The following SMU1 variants were observed in gnomAD, a reference collection of about 807,000 sequenced individuals.
SMU1 encodes SMU1 DNA replication regulator and spliceosomal factor, also known as WD40 repeat-containing protein SMU1.
Under a neutral mutation model 62.0 loss-of-function variants are expected in SMU1, and 2 were observed. The ratio of observed to expected loss-of-function variants is 0.03; its 90% CI spans 0.01 to 0.10. The LOEUF (loss-of-function observed/expected upper bound fraction) is 0.10. Among genes scored for constraint, SMU1 ranks in the 10% least tolerant of loss-of-function variants. SMU1 has a pLI of 1.00. For synonymous variants in SMU1, 188 were observed against 212.4 expected (o/e 0.89, Z 1.00); for missense variants, 227 against 622.1 (o/e 0.36, Z 6.76).
chr9:33,074,449 C>A (rs2376765), intron 1 of SMU1, among the ~76,000 whole-genome samples: 9,538 of 147,840 alleles, frequency 0.065, 680 homozygotes, highest in African/African-American at 0.18. Flanking sequence ...CACACACACA[C>A]AAAAAAAAAA....
At chr9:33,056,009 G>A in intron 9 of SMU1, 104 bp downstream of exon 9, 3 of 1,151,956 alleles carry the variant, frequency 2.6e-6, no homozygotes, top group Non-Finnish European at 3.6e-6. Flanking sequence ...AGCCAGGAAA[G>A]AGGTTTACTA....
intron 3 of SMU1, 122 bp from the exon 4 acceptor site, chr9:33,069,056 A>G: frequency 7.2e-7 from 1 of 1,380,542 alleles, no homozygotes; most frequent in Admixed American, 2.9e-5. Flanking sequence ...TTACCCAGTT[A>G]AAGAAGGGAT....
rs1401193197 is a variant in SMU1, at chr9:33,057,604, T to C, written c.861A>G (p.Lys287=). The C allele has an allele frequency of 2.5e-6, 4 of 1,613,526 alleles. No homozygotes were observed. Among genetic ancestry groups the C allele is most frequent in the Non-Finnish European group, 3.4e-6 (4 of 1,179,996 alleles). The change falls in exon 7 of 12, where the codon AAA becomes AAG. Residue 287 remains lysine (K), a synonymous_variant. Transcript: ENST00000397149. ...EMLATGAQDG[K]IKVWKIQSGQ... ...CTGTGGCACTAATCCATACCTTGAT[T>C]TTTCCATCTTGGGCCCCAGTTGCTA... is the stretch of plus-strand genomic sequence containing the variant.
At chr9:33,068,417 T>C (rs945727723) in intron 4 of SMU1, among the ~76,000 whole-genome samples, 2 of 152,218 alleles carry the variant, frequency 1.3e-5, no homozygotes, top group Non-Finnish European at 2.9e-5. Flanking sequence ...ACTCTGTAGG[T>C]AGTCCCCAAT....
intron 1 of SMU1, among the ~76,000 whole-genome samples, chr9:33,075,840 T>C (rs1234925411): frequency 6.6e-6 from 1 of 152,176 alleles, no homozygotes; most frequent in East Asian, 1.9e-4. Flanking sequence ...AGGTGGAGGA[T>C]GGAGTTCTGG....
intron 4 of SMU1, among the ~76,000 whole-genome samples, chr9:33,068,446 C>A (rs1412202824): frequency 6.6e-6 from 1 of 152,156 alleles, no homozygotes; most frequent in Admixed American, 6.5e-5. Flanking sequence ...TGTACAATTT[C>A]TTCAGCTAAG....
intron 8 of SMU1, 103 bp downstream of exon 8, chr9:33,056,734 T>G: frequency 7.9e-7 from 1 of 1,263,304 alleles, no homozygotes; most frequent in African/African-American, 1.5e-5. Context: ...CACATCATCA[T>G]GGTAAAAGCA....
At chr9:33,073,233 C>A (rs1245935654) in intron 2 of SMU1, among the ~76,000 whole-genome samples, 1 of 151,898 alleles carries the variant, frequency 6.6e-6, no homozygotes, top group Non-Finnish European at 1.5e-5. Context: ...CCTGTCTCTA[C>A]AGAAAAATGC....
chr9:33,048,383 G>C, intron 10 of SMU1, 125 bp from the exon 11 acceptor site: 1 of 1,171,306 alleles, frequency 8.5e-7, no homozygotes, highest in Non-Finnish European at 1.2e-6. Flanking sequence ...TTTGTAATTA[G>C]ATCTCCAGTC....
In SMU1 at chr9:33,068,944, G is replaced by A; in HGVS notation, c.391-10C>T. 1.2e-6 allele frequency: 2 copies of A among 1,613,864 alleles called. No homozygotes were observed. Among genetic ancestry groups the A allele is most frequent in the African/African-American group, 1.3e-5 (1 of 75,000 alleles). ...TTCCATCTGGGTATGCCTGAAAAAG[G>A]AGAGGGTGTAGCATCATTTCCAAGA... On this transcript the variant is annotated splice_polypyrimidine_tract_variant and intron_variant, in intron 3 of 11. Transcript: ENST00000397149.
chr9:33,072,813 A>T (rs1839501818), intron 2 of SMU1, among the ~76,000 whole-genome samples: 1 of 144,714 alleles, frequency 6.9e-6, no homozygotes, highest in Non-Finnish European at 1.5e-5. Context: ...TGGGTAACAC[A>T]GTGAGACTCT....
chr9:33,072,621 A>G (rs1341289599), intron 2 of SMU1, among the ~76,000 whole-genome samples: 1 of 152,022 alleles, frequency 6.6e-6, no homozygotes, highest in Non-Finnish European at 1.5e-5. Flanking sequence ...ACTTGAGGTC[A>G]GGAGTTGGAG....
At chr9:33,058,848 T>G (rs899163534) in intron 6 of SMU1, among the ~76,000 whole-genome samples, 4 of 152,098 alleles carry the variant, frequency 2.6e-5, no homozygotes, top group Non-Finnish European at 5.9e-5. Flanking sequence ...AATCAAGAGA[T>G]AAAAGTCAAA....
intron 4 of SMU1, among the ~76,000 whole-genome samples, chr9:33,062,886 C>G (rs1839378663): frequency 6.6e-6 from 1 of 152,158 alleles, no homozygotes; most frequent in Non-Finnish European, 1.5e-5. Flanking sequence ...TTGATATATA[C>G]TGCCAAACTC....
chr9:33,071,718 C>G (rs373982033), intron 3 of SMU1, 22 bp downstream of exon 3: 10 of 1,573,660 alleles, frequency 6.4e-6, no homozygotes, highest in Non-Finnish European at 7.7e-6. Flanking sequence ...CAAAAAGTTC[C>G]TTTTCATTAC....
chr9:33,073,335 TGCA>T (rs1411169488), intron 2 of SMU1, among the ~76,000 whole-genome samples: 1 of 152,026 alleles, frequency 6.6e-6, no homozygotes, highest in Non-Finnish European at 1.5e-5. Flanking sequence ...AAATGGAGGA[TGCA>T]GCAAGCTGTG....
rs1298099546 is a variant in SMU1, at chr9:33,056,775, C to G, written c.995+62G>C. On this transcript the variant is annotated intron_variant, in intron 8 of 11. Coordinates refer to ENST00000397149, the MANE Select transcript of SMU1 (RefSeq NM_018225.3). ...GTAAAAGCGTAAGGAATCACTAGTACCTCCCTCCATGGCCTCATTATATCA... is the reference window on the plus strand; with the variant it reads ...GTAAAAGCGTAAGGAATCACTAGTAGCTCCCTCCATGGCCTCATTATATCA... 10 of 1,540,416 alleles carry G rather than the reference C, an allele frequency of 6.5e-6. No homozygotes were observed. In the East Asian group the frequency reaches 1.8e-4, roughly 28 times the overall value.
intron 9 of SMU1, among the ~76,000 whole-genome samples, chr9:33,053,875 A>C (rs1318056764): frequency 2.0e-5 from 3 of 152,242 alleles, no homozygotes; most frequent in African/African-American, 7.2e-5. Flanking sequence ...AAAATCTATG[A>C]TCTTTTCTCA....
chr9:33,062,794 T>C (rs1487044918), intron 4 of SMU1, among the ~76,000 whole-genome samples: 1 of 152,174 alleles, frequency 6.6e-6, no homozygotes, highest in African/African-American at 2.4e-5. Context: ...ATTTTGGGGA[T>C]ATTCCCCTCC....
Sources: allele counts gnomAD v4.1 joint callset (sites outside exome capture counted in the v4.1 genomes callset), GRCh38; gene constraint gnomAD v4.1.1; transcripts MANE v1.5; gene names NCBI Gene and HGNC (gene_info 2026-07-23, HGNC 2026-07-21).